The following PALM2AKAP2 variants were observed in gnomAD, a reference collection of about 807,000 sequenced individuals.
PALM2AKAP2 encodes the protein PALM2 and AKAP2 fusion.
Under a neutral mutation model 71.5 loss-of-function variants are expected in PALM2AKAP2, and 37 were observed. That is an observed-to-expected ratio of 0.52 (90% CI 0.40 to 0.68). The LOEUF is 0.68. Ranked by LOEUF, PALM2AKAP2 falls within the 30% of genes least tolerant of loss-of-function variation. The probability of loss-of-function intolerance (pLI) is 0.00; values close to 1 mark genes in which losing one functional copy is unlikely to be tolerated. For synonymous variants in PALM2AKAP2, 468 were observed against 478.8 expected (o/e 0.98, Z 0.29); for missense variants, 1,224 against 1,191.8 (o/e 1.03, Z -0.40).
At chr9:109,841,978 G>A (rs554305933) in intron 1 of PALM2AKAP2, among the ~76,000 whole-genome samples, 2 of 149,280 alleles carry the variant, frequency 1.3e-5, no homozygotes, top group East Asian at 4.0e-4. Context: ...TGGAGGGGAA[G>A]TTGGAGGGAT....
At chr9:110,162,585 A>T (rs1161157900) in intron 3 of PALM2AKAP2, among the ~76,000 whole-genome samples, 1 of 152,204 alleles carries the variant, frequency 6.6e-6, no homozygotes, top group Non-Finnish European at 1.5e-5. Flanking sequence ...CATTCTATAG[A>T]TTTAAGATGA....
chr9:110,003,366 T>G (rs1489622562), intron 6 of PALM2AKAP2, among the ~76,000 whole-genome samples: 5 of 152,208 alleles, frequency 3.3e-5, no homozygotes, highest in Non-Finnish European at 7.3e-5. Context: ...TCATCCTGAG[T>G]TCTAGTTTGA....
chr9:109,914,198 A>C (rs770469412), intron 3 of PALM2AKAP2, among the ~76,000 whole-genome samples: 4 of 152,224 alleles, frequency 2.6e-5, no homozygotes, highest in Non-Finnish European at 5.9e-5. Flanking sequence ...AACCCTAAAG[A>C]CTGATCCTTG....
chr9:109,675,590 G>A (rs77161250), intron 1 of PALM2AKAP2, among the ~76,000 whole-genome samples: 2 of 152,046 alleles, frequency 1.3e-5, no homozygotes, highest in African/African-American at 4.8e-5. Context: ...TCCTCATTAT[G>A]TTAGCAGAAT....
intron 1 of PALM2AKAP2, among the ~76,000 whole-genome samples, chr9:109,695,235 T>A (rs1202178334): frequency 6.6e-6 from 1 of 152,218 alleles, no homozygotes; most frequent in Non-Finnish European, 1.5e-5. Context: ...CGACTTAGGC[T>A]ATAGTGAATA....
intron 1 of PALM2AKAP2, among the ~76,000 whole-genome samples, chr9:110,050,491 T>C (rs2132500846): frequency 6.6e-6 from 1 of 152,336 alleles, no homozygotes; most frequent in East Asian, 1.9e-4. Context: ...ATGAGGAGTA[T>C]CCAGCAAGGA....
intron 1 of PALM2AKAP2, among the ~76,000 whole-genome samples, chr9:109,752,163 G>A (rs192545700): frequency 5.9e-5 from 9 of 152,164 alleles, no homozygotes; most frequent in Middle Eastern, 6.8e-3. Context: ...ATTTTAGTGC[G>A]GTAACTTATA....
intron 1 of PALM2AKAP2, among the ~76,000 whole-genome samples, chr9:109,697,063 C>T (rs1250025637): frequency 2.0e-5 from 3 of 152,042 alleles, no homozygotes; most frequent in Admixed American, 6.6e-5. Context: ...CTCGATAAAT[C>T]GCTGGCATGA....
At chr9:109,910,410 C>T (rs1830542096) in intron 3 of PALM2AKAP2, among the ~76,000 whole-genome samples, 1 of 152,172 alleles carries the variant, frequency 6.6e-6, no homozygotes, top group African/African-American at 2.4e-5. Context: ...TAGATTTAAG[C>T]ATGTTCGGTA....
At position 109,825,525 on chromosome 9, in the gene PALM2AKAP2, C is replaced by T. The variant is rs546631791; in HGVS notation, c.46-41966C>T. The stretch of plus-strand genomic sequence containing the variant: ...CTCAAACAAATTTACAAGAAAATAA[C>T]AAACAACCCAATCAACAAGTGGGCG... On this transcript the variant is annotated intron_variant, in intron 1 of 9. Coordinates refer to the PALM2AKAP2 transcript ENST00000302798. Among the ~76,000 whole-genome samples, 13 of 152,292 alleles carry T rather than the reference C, an allele frequency of 8.5e-5. No homozygotes were observed. In the South Asian group the frequency reaches 2.5e-3, roughly 29 times the overall value.
At chr9:109,856,330 A>G (rs925109728) in intron 1 of PALM2AKAP2, among the ~76,000 whole-genome samples, 7 of 152,266 alleles carry the variant, frequency 4.6e-5, no homozygotes, top group African/African-American at 1.2e-4. Context: ...AAAGTAAGTT[A>G]AGCTACATCT....
At chr9:110,103,781 G>A (rs1279556095) in intron 1 of PALM2AKAP2, among the ~76,000 whole-genome samples, 1 of 152,210 alleles carries the variant, frequency 6.6e-6, no homozygotes, top group African/African-American at 2.4e-5. Context: ...TGAGATTTGA[G>A]ATGCTATCTG....
intron 7 of PALM2AKAP2, among the ~76,000 whole-genome samples, chr9:110,037,264 G>A (rs1336202381): frequency 6.6e-6 from 1 of 151,804 alleles, no homozygotes; most frequent in East Asian, 1.9e-4. Flanking sequence ...GCAATGGCAC[G>A]ATCTCAGCTC....
In PALM2AKAP2 at chr9:109,798,556, C is replaced by T. The variant is rs367693839; in HGVS notation, c.45+18023C>T. On this transcript the variant is annotated intron_variant, in intron 1 of 9. Transcript: ENST00000302798. The stretch of plus-strand genomic sequence containing the variant: ...AGGAAAGGCATAGAACCACATTTCA[C>T]GCTAAGGCATGAGTGTTAAACATAC... Among the ~76,000 whole-genome samples, 61 of 152,304 alleles carry T rather than the reference C, an allele frequency of 4.0e-4. No homozygotes were observed. The Middle Eastern group carries it at 0.01, about 25-fold the overall frequency.
At chr9:109,700,023 C>T (rs1048347656) in intron 1 of PALM2AKAP2, among the ~76,000 whole-genome samples, 6 of 152,174 alleles carry the variant, frequency 3.9e-5, no homozygotes, top group Non-Finnish European at 7.3e-5. Flanking sequence ...ATCTGCCCAC[C>T]TCAGCCTCCC....
Position 110,050,625 on chromosome 9 carries a change from CTTTTT to C in PALM2AKAP2, c.156+1775_156+1779del, listed in dbSNP as rs374720864. 2.9e-3 allele frequency among the ~76,000 whole-genome samples: 434 copies of C among 150,656 alleles called. 2 individuals carry two copies. Among genetic ancestry groups the C allele is most frequent in the African/African-American group, 0.01 (419 of 40,674 alleles). ...CCTTTCTCTGTTTTTCTTTTCTTTT[CTTTTT>C]TTTTCTTTTCTTTTCTTTCGAAGTT... On this transcript the variant is annotated intron_variant, in intron 1 of 3. Transcript: ENST00000374525.
chr9:110,172,373 C>T (rs1221291362), exon 4 of PALM2AKAP2: 1 of 152,540 alleles, frequency 6.6e-6, no homozygotes, highest in African/African-American at 2.4e-5. Context: ...GGAAATTATA[C>T]TCTGTATCTG....
intron 1 of PALM2AKAP2, among the ~76,000 whole-genome samples, chr9:109,773,095 G>A (rs1829295984): frequency 6.6e-6 from 1 of 151,916 alleles, no homozygotes; most frequent in African/African-American, 2.4e-5. Flanking sequence ...TCCAGTCTGG[G>A]TGACAGAGCA....
Position 109,676,187 on chromosome 9 carries a change from C to T in PALM2AKAP2, c.5+35321C>T, listed in dbSNP as rs910667262. On this transcript the variant is annotated intron_variant, in intron 1 of 6. Transcript: ENST00000374531. ...AGAGCAAGAGTTCCTCACTTCCTCA[C>T]GCTCTGCTCCTTCATCTGTATTATT... Among the ~76,000 whole-genome samples, 10 of 152,306 alleles carry T rather than the reference C, an allele frequency of 6.6e-5. No homozygotes were observed. The East Asian group carries it at 9.6e-4, about 15-fold the overall frequency.
Sources: allele counts gnomAD v4.1 joint callset (sites outside exome capture counted in the v4.1 genomes callset), GRCh38; gene constraint gnomAD v4.1.1; transcripts MANE v1.5; gene names NCBI Gene and HGNC (gene_info 2026-07-23, HGNC 2026-07-21).